EIPR1: variants seen among roughly 807,000 people sequenced by gnomAD.
EIPR1 encodes the protein EARP complex and GARP complex interacting protein 1.
In EIPR1, 25 loss-of-function variants were observed where a neutral mutation model predicts 48.1. The ratio of observed to expected loss-of-function variants is 0.52; its 90% CI spans 0.38 to 0.73. The LOEUF is 0.73. Among genes scored for constraint, EIPR1 ranks in the 30% least tolerant of loss-of-function variants. EIPR1 has a pLI of 0.00. For synonymous variants in EIPR1, 204 were observed against 201.9 expected (o/e 1.01, Z -0.09); for missense variants, 415 against 506.2 (o/e 0.82, Z 1.73).
At chr2:3,295,906 C>CACAG (rs2103284172) in intron 3 of EIPR1, among the ~76,000 whole-genome samples, 1 of 130,798 alleles carries the variant, frequency 7.6e-6, no homozygotes. Context: ...TCTCTCTTTA[C>CACAG]ACACCCTCCA....
intron 4 of EIPR1, among the ~76,000 whole-genome samples, chr2:3,240,859 T>C (rs1266464064): frequency 4.8e-5 from 6 of 125,426 alleles, no homozygotes; most frequent in South Asian, 2.9e-4. Flanking sequence ...AGCCAGCAGA[T>C]CCCTCCTAAA....
intron 4 of EIPR1, among the ~76,000 whole-genome samples, chr2:3,234,122 G>C (rs1666325312): frequency 6.6e-6 from 1 of 152,164 alleles, no homozygotes; most frequent in African/African-American, 2.4e-5. Flanking sequence ...GCGTGGTGTG[G>C]ATCCATATTA....
intron 3 of EIPR1, among the ~76,000 whole-genome samples, chr2:3,276,931 T>C (rs1454332592): frequency 1.3e-5 from 2 of 152,264 alleles, no homozygotes; most frequent in Admixed American, 1.3e-4. Flanking sequence ...TTACACTTTA[T>C]GTTTTGAGTA....
At chr2:3,366,729 T>A (rs1670981768) in intron 1 of EIPR1, among the ~76,000 whole-genome samples, 1 of 151,908 alleles carries the variant, frequency 6.6e-6, no homozygotes, top group Non-Finnish European at 1.5e-5. Context: ...GCTGAGCAAA[T>A]GAAAGGAAAT....
chr2:3,201,865 T>A (rs1665047162), intron 5 of EIPR1, among the ~76,000 whole-genome samples: 1 of 152,230 alleles, frequency 6.6e-6, no homozygotes. Flanking sequence ...CAGGGTGAGC[T>A]AATTTTTGGC....
Position 3,199,060 on chromosome 2 carries a change from G to GCCCCCCCCCCCCCCCCCC in EIPR1, c.517-2044_517-2043insGGGGGGGGGGGGGGGGGG, listed in dbSNP as rs1214394853. Among the ~76,000 whole-genome samples the GCCCCCCCCCCCCCCCCCC allele has an allele frequency of 8.6e-5, 2 of 23,340 alleles. 1 individual carries two copies. The highest frequency in any genetic ancestry group is 2.0e-4 in the Non-Finnish European group (2 of 10,080). 15.3% of individuals were successfully genotyped at this position (23,340 alleles called of 152,430 possible). On this transcript the variant is annotated intron_variant, in intron 5 of 8. Coordinates refer to ENST00000382125, the MANE Select transcript of EIPR1 (RefSeq NM_003310.5). ...CACCCCCAGAGTGGCCATTTTAGAG[G>GCCCCCCCCCCCCCCCCCC]GCCCCCCCCCCGCCCCGGGAATGCA...
chr2:3,259,288 C>CA (rs1055764664), intron 3 of EIPR1, among the ~76,000 whole-genome samples: 4 of 48,900 alleles, frequency 8.2e-5, no homozygotes, highest in African/African-American at 1.9e-4. Flanking sequence ...GGCAGACACT[C>CA]CCCCCCACAT....
At chr2:3,344,413 G>A (rs570753901) in intron 2 of EIPR1, among the ~76,000 whole-genome samples, 51 of 152,230 alleles carry the variant, frequency 3.4e-4, no homozygotes, top group Admixed American at 1.2e-3. Flanking sequence ...TACTCTAGTC[G>A]GCTTCACGCT....
chr2:3,236,346 C>T (rs1666405375), intron 4 of EIPR1, among the ~76,000 whole-genome samples: 1 of 152,188 alleles, frequency 6.6e-6, no homozygotes, highest in South Asian at 2.1e-4. Context: ...GGAACAAATC[C>T]CAGTCCTCAT....
chr2:3,263,705 G>A (rs1667404239), intron 3 of EIPR1, among the ~76,000 whole-genome samples: 1 of 151,866 alleles, frequency 6.6e-6, no homozygotes, highest in Non-Finnish European at 1.5e-5. Context: ...GGTGCGGCCA[G>A]CGCCTTCCCC....
chr2:3,239,392 C>T (rs1666520028), intron 4 of EIPR1, among the ~76,000 whole-genome samples: 1 of 152,250 alleles, frequency 6.6e-6, no homozygotes, highest in Non-Finnish European at 1.5e-5. Context: ...AACCCAGGCT[C>T]ACTTTCTTAG....
chr2:3,261,577 TC>T (rs1272675193), intron 3 of EIPR1: 3 of 152,174 alleles, frequency 2.0e-5, no homozygotes, highest in African/African-American at 7.2e-5. Context: ...CAAAGGGTAA[TC>T]CCCACACATT....
chr2:3,311,370 T>C (rs1446100393), intron 3 of EIPR1, among the ~76,000 whole-genome samples: 1 of 152,092 alleles, frequency 6.6e-6, no homozygotes, highest in Non-Finnish European at 1.5e-5. Context: ...TCTTTTCACA[T>C]TAAAAAAAAA....
intron 5 of EIPR1, among the ~76,000 whole-genome samples, chr2:3,199,920 CAT>C (rs1664966257): frequency 3.7e-5 from 1 of 27,368 alleles, no homozygotes; most frequent in East Asian, 1.0e-3. Flanking sequence ...TCTGGGCACA[CAT>C]GGGGGGGTGT....
At chr2:3,239,358 G>A (rs747152439) in intron 4 of EIPR1, among the ~76,000 whole-genome samples, 1 of 152,206 alleles carries the variant, frequency 6.6e-6, no homozygotes, top group Non-Finnish European at 1.5e-5. Flanking sequence ...AGGAAATACG[G>A]CTGGGGAATC....
chr2:3,200,902 G>A (rs1665009952), intron 5 of EIPR1, among the ~76,000 whole-genome samples: 1 of 152,126 alleles, frequency 6.6e-6, no homozygotes, highest in East Asian at 1.9e-4. Context: ...CAGAAAGGCT[G>A]GGCAGGTCTG....
intron 2 of EIPR1, among the ~76,000 whole-genome samples, chr2:3,347,690 T>C (rs898128743): frequency 1.3e-5 from 2 of 152,230 alleles, no homozygotes; most frequent in African/African-American, 2.4e-5. Flanking sequence ...AGATCTGAAC[T>C]TGAAAGCTGG....
intron 3 of EIPR1, among the ~76,000 whole-genome samples, chr2:3,265,442 T>C (rs1667457418): frequency 6.6e-6 from 1 of 152,140 alleles, no homozygotes; most frequent in Non-Finnish European, 1.5e-5. Context: ...CCCAACAGTG[T>C]TCAACACACA....
chr2:3,377,684 C>T lies in EIPR1; in HGVS notation c.6G>A (p.Glu2=). 1 of 1,580,420 alleles carries T rather than the reference C, an allele frequency of 6.3e-7. No individual in the cohort carries two copies. The highest frequency in any genetic ancestry group is 1.2e-5 in the South Asian group (1 of 86,450). The change falls in exon 1 of 9, where the codon GAG becomes GAA. Residue 2 remains glutamate (E), a synonymous_variant. Transcript: ENST00000382125. The part of the protein sequence containing the change: M[E]DDAPVIYGLE... Reference sequence around the variant, plus strand: ...GCCCGTAGATCACTGGTGCATCGTCCTCCATGCTGCGGGGAAGCGACCCGA... The same window carrying T: ...GCCCGTAGATCACTGGTGCATCGTCTTCCATGCTGCGGGGAAGCGACCCGA...
Sources: allele counts gnomAD v4.1 joint callset (sites outside exome capture counted in the v4.1 genomes callset), GRCh38; gene constraint gnomAD v4.1.1; transcripts MANE v1.5; gene names NCBI Gene and HGNC (gene_info 2026-07-23, HGNC 2026-07-21).